Variants in ATP9A observed in about 807,000 individuals in gnomAD.
ATP9A encodes the protein ATPase phospholipid transporting 9A.
Under a neutral mutation model 144.1 loss-of-function variants are expected in ATP9A, and 52 were observed. The ratio of observed to expected loss-of-function variants is 0.36; its 90% CI spans 0.29 to 0.45. The LOEUF is 0.45. Ranked by LOEUF, ATP9A falls within the 20% of genes least tolerant of loss-of-function variation. ATP9A has a pLI of 1.00. For synonymous variants in ATP9A, 582 were observed against 557.4 expected (o/e 1.04, Z -0.62); for missense variants, 947 against 1,392.7 (o/e 0.68, Z 5.09).
intron 5 of ATP9A, among the ~76,000 whole-genome samples, chr20:51,696,715 A>G (rs1479088642): frequency 6.6e-6 from 1 of 152,202 alleles, no homozygotes; most frequent in East Asian, 1.9e-4. Context: ...GCCACCCAAA[A>G]GAGTTTCACT....
At chr20:51,640,177 T>TA (rs1038939992) in intron 14 of ATP9A, among the ~76,000 whole-genome samples, 5 of 150,750 alleles carry the variant, frequency 3.3e-5, no homozygotes, top group South Asian at 2.1e-4. Context: ...AGCTAAACAA[T>TA]AAAAAAAAGA....
At chr20:51,625,004 CAAAAAAAAAA>C (rs71192538) in intron 18 of ATP9A, among the ~76,000 whole-genome samples, 178 bp downstream of exon 18, 1 of 100,840 alleles carries the variant, frequency 9.9e-6, no homozygotes, top group Non-Finnish European at 2.0e-5. Context: ...GACCCCGTCT[CAAAAAAAAAA>C]AAAAAAAAAA....
At chr20:51,617,655 G>C in intron 21 of ATP9A, 101 bp from the exon 22 acceptor site, 1 of 1,332,880 alleles carries the variant, frequency 7.5e-7, no homozygotes, top group South Asian at 1.3e-5. Context: ...CGGAGCGCTT[G>C]CTGAGTGCCT....
chr20:51,650,475 A>C (rs2077359193), intron 14 of ATP9A, among the ~76,000 whole-genome samples: 1 of 151,426 alleles, frequency 6.6e-6, no homozygotes, highest in African/African-American at 2.4e-5. Flanking sequence ...CGGAGGTTGC[A>C]GTGAGCCGAG....
intron 4 of ATP9A, among the ~76,000 whole-genome samples, chr20:51,707,584 G>A (rs973005324): frequency 2.6e-5 from 4 of 152,164 alleles, no homozygotes; most frequent in African/African-American, 9.7e-5. Context: ...CTACCCAGGT[G>A]GAAGCAGGAC....
intron 4 of ATP9A, among the ~76,000 whole-genome samples, chr20:51,711,449 C>A (rs1215675791): frequency 6.6e-6 from 1 of 152,148 alleles, no homozygotes; most frequent in Non-Finnish European, 1.5e-5. Context: ...CAGTTCAGAC[C>A]TTGGCTCAGG....
At chr20:51,765,474 G>A (rs1166703104) in intron 1 of ATP9A, among the ~76,000 whole-genome samples, 1 of 151,532 alleles carries the variant, frequency 6.6e-6, no homozygotes, top group East Asian at 1.9e-4. Context: ...GACCAACATG[G>A]AGAAACCCCA....
At chr20:51,690,234 C>T (rs948686108) in intron 8 of ATP9A, among the ~76,000 whole-genome samples, 2 of 149,612 alleles carry the variant, frequency 1.3e-5, no homozygotes, top group South Asian at 2.1e-4. Flanking sequence ...TCCTGGCTAA[C>T]ACCGTGAAAA....
At chr20:51,654,499 A>G (rs897073300) in intron 14 of ATP9A, among the ~76,000 whole-genome samples, 34 of 151,774 alleles carry the variant, frequency 2.2e-4, no homozygotes, top group African/African-American at 8.2e-4. Context: ...TGTTGGTACA[A>G]GAGTTAAATG....
chr20:51,671,007 G>C, intron 12 of ATP9A, 108 bp downstream of exon 12: 1 of 1,217,990 alleles, frequency 8.2e-7, no homozygotes, highest in East Asian at 2.4e-5. Flanking sequence ...TAAAATAGCA[G>C]CAACACGCAT....
At chr20:51,762,762 T>C (rs1419435353) in intron 1 of ATP9A, among the ~76,000 whole-genome samples, 1 of 133,124 alleles carries the variant, frequency 7.5e-6, no homozygotes, top group Admixed American at 8.7e-5. Flanking sequence ...GAGGCTGGAG[T>C]GCAGCGGTAT....
intron 14 of ATP9A, among the ~76,000 whole-genome samples, chr20:51,647,702 C>T (rs1324993039): frequency 6.6e-6 from 1 of 152,102 alleles, no homozygotes; most frequent in African/African-American, 2.4e-5. Flanking sequence ...TGCACTCCAG[C>T]CTGGGTAGCA....
chr20:51,659,115 C>A (rs1356992237), intron 13 of ATP9A, among the ~76,000 whole-genome samples: 1 of 152,184 alleles, frequency 6.6e-6, no homozygotes, highest in Non-Finnish European at 1.5e-5. Context: ...CAGCTCACTG[C>A]AGGGCTGGCT....
chr20:51,656,904 C>T (rs747745115), intron 14 of ATP9A, 34 bp downstream of exon 14: 1 of 1,586,074 alleles, frequency 6.3e-7, no homozygotes, highest in Non-Finnish European at 8.6e-7. Context: ...CAAGCAGGGC[C>T]TCCCCATGCC....
rs11908429 is a variant in ATP9A at position 51,608,671 on chromosome 20, G to A, written c.2637-45C>T. 8.9e-3 allele frequency: 10,898 copies of A among 1,224,578 alleles called. 673 individuals are homozygous for A. The African/African-American group carries it at 0.14, about 16-fold the overall frequency. The allele number at this position is 1,224,578 out of a possible 1,614,324, so 75.9% of individuals were successfully genotyped here. Reference sequence around the variant, plus strand: ...TAGGTAAGACCTGGCTGACGCGATAGGAGCTATGTGCTGTGCCAGCCTCCG... The same window carrying A: ...TAGGTAAGACCTGGCTGACGCGATAAGAGCTATGTGCTGTGCCAGCCTCCG... On this transcript the variant is annotated intron_variant, in intron 24 of 27. Coordinates refer to ENST00000338821, the MANE Select transcript of ATP9A (RefSeq NM_006045.3).
At chr20:51,766,261 A>T (rs1275117349) in intron 1 of ATP9A, among the ~76,000 whole-genome samples, 1 of 152,244 alleles carries the variant, frequency 6.6e-6, no homozygotes, top group Non-Finnish European at 1.5e-5. Context: ...TCAAAGGTCT[A>T]GAATGAATCA....
intron 1 of ATP9A, 102 bp downstream of exon 1, chr20:51,768,200 G>A (rs1169310349): frequency 3.0e-6 from 2 of 670,686 alleles, no homozygotes; most frequent in East Asian, 9.4e-5. Flanking sequence ...TCATGGCGCC[G>A]GGCGCGGCGC....
At chr20:51,628,780 A>G (rs1202723285) in intron 16 of ATP9A, among the ~76,000 whole-genome samples, 200 bp downstream of exon 16, 1 of 152,242 alleles carries the variant, frequency 6.6e-6, no homozygotes, top group Non-Finnish European at 1.5e-5. Flanking sequence ...GAAGCAGAGG[A>G]TGCAGTTCAG....
At chr20:51,748,824 C>A (rs2077818899) in intron 1 of ATP9A, among the ~76,000 whole-genome samples, 1 of 152,134 alleles carries the variant, frequency 6.6e-6, no homozygotes, top group Non-Finnish European at 1.5e-5. Context: ...GTGGCTCACG[C>A]CTATAATCCC....
Sources: gnomAD v4.1 joint callset for allele counts (sites outside exome capture counted in the v4.1 genomes callset) on GRCh38, gnomAD v4.1.1 for gene constraint, MANE v1.5 for transcripts, NCBI Gene and HGNC (gene_info 2026-07-23, HGNC 2026-07-21) for gene names.